Variants in NOL10 observed in about 807,000 individuals in gnomAD.
NOL10 encodes the protein nucleolar protein 10, also known as H_NH0074G24.1.
In NOL10, 58 loss-of-function variants were observed where a neutral mutation model predicts 103.5. That is an observed-to-expected ratio of 0.56 (90% CI 0.45 to 0.70). NOL10 has a LOEUF of 0.70. NOL10 is among the 30% of genes least tolerant of loss of function. NOL10 has a pLI of 0.00. For missense variants in NOL10, 763 were observed against 807.3 expected (o/e 0.95, Z 0.67); for synonymous variants, 287 against 282.5 (o/e 1.02, Z -0.16).
chr2:10,657,705 A>G (rs1467917653), intron 11 of NOL10, 37 bp downstream of exon 11: 1 of 1,530,474 alleles, frequency 6.5e-7, no homozygotes, highest in African/African-American at 1.4e-5. Context: ...AACACCTGCA[A>G]ATAAAGAAGC....
In NOL10 at chr2:10,587,058, TATATATATAC is replaced by T. The variant is rs1368822993; in HGVS notation, c.1844+1975_1844+1984del. ...AAAGTTAAATGTATATATATATACA[TATATATATAC>T]ATATATATACATATATATACATATA... is the stretch of plus-strand genomic sequence containing the variant. On this transcript the variant is annotated intron_variant, in intron 19 of 20. Transcript: ENST00000381685. Among the ~76,000 whole-genome samples, 31 of 41,298 alleles carry T rather than the reference TATATATATAC, an allele frequency of 7.5e-4. 8 individuals are homozygous for T. Among genetic ancestry groups the T allele is most frequent in the East Asian group, 2.3e-3 (5 of 2,186 alleles). 27.1% of individuals were successfully genotyped at this position (41,298 alleles called of 152,430 possible).
At chr2:10,587,916 T>C (rs1675201246) in intron 19 of NOL10, among the ~76,000 whole-genome samples, 1 of 152,128 alleles carries the variant, frequency 6.6e-6, no homozygotes, top group Admixed American at 6.5e-5. Context: ...GGTACAGAAA[T>C]GTACTGACCC....
chr2:10,653,982 A>C (rs1679655938), intron 12 of NOL10, among the ~76,000 whole-genome samples: 1 of 152,190 alleles, frequency 6.6e-6, no homozygotes, highest in Admixed American at 6.5e-5. Context: ...AATTCTTCAC[A>C]GATTTGCCTT....
At chr2:10,591,428 G>A (rs1675384534) in intron 17 of NOL10, among the ~76,000 whole-genome samples, 1 of 152,130 alleles carries the variant, frequency 6.6e-6, no homozygotes, top group Non-Finnish European at 1.5e-5. Flanking sequence ...GTTTCAACAA[G>A]TAGAAATCTG....
intron 4 of NOL10, 73 bp from the exon 5 acceptor site, chr2:10,673,630 G>A: frequency 1.0e-6 from 1 of 1,004,358 alleles, no homozygotes; most frequent in East Asian, 2.6e-5. Flanking sequence ...CTGATGCAAA[G>A]ATTCTAATTC....
At chr2:10,655,767 A>C (rs536238592) in intron 11 of NOL10, among the ~76,000 whole-genome samples, 17 of 152,346 alleles carry the variant, frequency 1.1e-4, no homozygotes, top group Admixed American at 8.5e-4. Flanking sequence ...CAGCTCTTGC[A>C]TTTGTAACTC....
intron 13 of NOL10, among the ~76,000 whole-genome samples, chr2:10,613,978 TAG>T (rs1553301419): frequency 1.3e-5 from 2 of 150,600 alleles, no homozygotes; most frequent in African/African-American, 2.4e-5. Flanking sequence ...TTTTTTTTTT[TAG>T]AAGGAGTCTC....
intron 17 of NOL10, among the ~76,000 whole-genome samples, chr2:10,590,680 C>T (rs562668711): frequency 6.6e-6 from 1 of 152,310 alleles, no homozygotes; most frequent in South Asian, 2.1e-4. Context: ...AAAACTTTGG[C>T]TACTGAGACC....
At chr2:10,653,574 A>C (rs1572383313) in intron 12 of NOL10, among the ~76,000 whole-genome samples, 2 of 152,054 alleles carry the variant, frequency 1.3e-5, no homozygotes, top group African/African-American at 4.8e-5. Flanking sequence ...ATCATGCCCA[A>C]CCCTCTACCA....
chr2:10,634,098 T>C (rs1211514244), intron 13 of NOL10, among the ~76,000 whole-genome samples: 5 of 152,154 alleles, frequency 3.3e-5, no homozygotes, highest in South Asian at 2.1e-4. Context: ...AAAGCACTGG[T>C]ATTACAGGTG....
intron 17 of NOL10, among the ~76,000 whole-genome samples, chr2:10,591,884 T>A (rs560060561): frequency 6.6e-6 from 1 of 152,182 alleles, no homozygotes; most frequent in South Asian, 2.1e-4. Context: ...ATGCCTGTAG[T>A]CCCAGCTACT....
intron 17 of NOL10, among the ~76,000 whole-genome samples, chr2:10,593,129 GTTT>G (rs113342576): frequency 0.038 from 5,611 of 148,764 alleles, 206 homozygotes; most frequent in African/African-American, 0.095. Flanking sequence ...AAACAAATTA[GTTT>G]TTTTTTTTTT....
At position 10,668,657 on chromosome 2, in the gene NOL10, C is replaced by CGCA. The variant is rs1275521539; in HGVS notation, c.528_530dup (p.Ala177dup). On this transcript the variant is annotated inframe_insertion and splice_region_variant. Transcript: ENST00000381685. Reference sequence around the variant, plus strand: ...ATAGCAGAATTACTAAAACTACTCACGCAGCATCAGTTTGTAGAGGATTCA... The same window carrying CGCA: ...ATAGCAGAATTACTAAAACTACTCACGCAGCAGCATCAGTTTGTAGAGGATTCA... 1.7e-5 allele frequency: 25 copies of CGCA among 1,509,066 alleles called. No homozygotes were observed. Among genetic ancestry groups the CGCA allele is most frequent in the Non-Finnish European group, 2.1e-5 (23 of 1,104,164 alleles). The allele number at this position is 1,509,066 out of a possible 1,614,324, so 93.5% of individuals were successfully genotyped here. A position where few individuals can be genotyped will look rare whatever the true frequency, so the allele number is the denominator to read the frequency against.
intron 13 of NOL10, among the ~76,000 whole-genome samples, chr2:10,622,345 C>A (rs1558297121): frequency 6.6e-6 from 1 of 152,154 alleles, no homozygotes; most frequent in African/African-American, 2.4e-5. Context: ...CCATGCCACG[C>A]TGTGTGTGTC....
In NOL10 at chr2:10,589,758, G is replaced by T; in HGVS notation, c.1423-7C>A. The T allele has an allele frequency of 6.8e-7, 1 of 1,462,228 alleles. No individual in the cohort carries two copies. Among genetic ancestry groups the T allele is most frequent in the Non-Finnish European group, 9.0e-7 (1 of 1,105,784 alleles). 90.6% of individuals were successfully genotyped at this position (1,462,228 alleles called of 1,614,324 possible). The stretch of plus-strand genomic sequence containing the variant: ...TGAGAATATTAGGAAGACTCTACAA[G>T]GAGGAAAAAGTACGTAAAAATTTAA... On this transcript the variant is annotated splice_polypyrimidine_tract_variant and splice_region_variant and intron_variant, in intron 17 of 20. Coordinates refer to ENST00000381685, the MANE Select transcript of NOL10 (RefSeq NM_024894.4).
rs777539510 is a variant in NOL10, at chr2:10,607,324, A to ATGAGAAGGTC, written c.1027-23_1027-14dup. 1.3e-6 allele frequency: 2 copies of ATGAGAAGGTC among 1,592,410 alleles called. No individual in the cohort carries two copies. The highest frequency in any genetic ancestry group is 2.3e-5 in the South Asian group (2 of 86,696). On this transcript the variant is annotated splice_polypyrimidine_tract_variant and intron_variant, in intron 13 of 20. Coordinates refer to ENST00000381685, the MANE Select transcript of NOL10 (RefSeq NM_024894.4). ...CAGGACCCAAAACCTGTTGGTGTTT[A>ATGAGAAGGTC]TGAGAAGGTCAGCAAAGGCACAGTT...
intron 13 of NOL10, among the ~76,000 whole-genome samples, chr2:10,615,700 A>G (rs1676798455): frequency 6.6e-6 from 1 of 152,252 alleles, no homozygotes; most frequent in South Asian, 2.1e-4. Context: ...AGAGGTGAAC[A>G]GCAAAGAGAA....
At chr2:10,652,758 G>C (rs996576530) in intron 12 of NOL10, among the ~76,000 whole-genome samples, 3 of 151,954 alleles carry the variant, frequency 2.0e-5, no homozygotes, top group African/African-American at 7.3e-5. Flanking sequence ...ACCACTTCTG[G>C]GATAATCGCA....
intron 8 of NOL10, among the ~76,000 whole-genome samples, chr2:10,666,378 GCT>G (rs1479236157): frequency 3.3e-5 from 5 of 151,114 alleles, no homozygotes; most frequent in African/African-American, 9.7e-5. Context: ...ACGGAGTCTC[GCT>G]CTGTCACCCA....
Sources: gnomAD v4.1 joint callset for allele counts (sites outside exome capture counted in the v4.1 genomes callset) on GRCh38, gnomAD v4.1.1 for gene constraint, MANE v1.5 for transcripts, NCBI Gene and HGNC (gene_info 2026-07-23, HGNC 2026-07-21) for gene names.